The following FLNB variants were observed in gnomAD, a reference collection of about 807,000 sequenced individuals.
The protein encoded by FLNB is filamin-B.
FLNB carries 111 observed loss-of-function variants against 250.6 expected under a neutral mutation model. The ratio of observed to expected loss-of-function variants is 0.44; its 90% confidence interval spans 0.38 to 0.52. The LOEUF (loss-of-function observed/expected upper bound fraction) is 0.52, where lower values mean the gene tolerates loss of function less well. Among genes scored for constraint, FLNB ranks in the 20% least tolerant of loss-of-function variants. The probability of loss-of-function intolerance (pLI) is 0.00; values close to 1 mark genes in which losing one functional copy is unlikely to be tolerated. For synonymous variants in FLNB, 1,302 were observed against 1,372.1 expected (o/e 0.95, Z 1.13); for missense variants, 2,869 against 3,447.8 (o/e 0.83, Z 4.20).
intron 1 of FLNB, among the ~76,000 whole-genome samples, chr3:58,069,830 T>C (rs1250442085): frequency 6.6e-6 from 1 of 152,180 alleles, no homozygotes; most frequent in African/African-American, 2.4e-5. Flanking sequence ...AGTGACAAAT[T>C]GAACATTTCA....
Position 58,142,014 on chromosome 3 carries a change from C to T in FLNB, c.5181+85C>T. On this transcript the variant is annotated intron_variant, in intron 30 of 45. Transcript: ENST00000295956. The surrounding 1 kb of genome is among the most constrained non-coding windows in gnomAD (Gnocchi z 4.3). The stretch of plus-strand genomic sequence containing the variant: ...AATCTGCCATCTGCTTCTGGGATTG[C>T]TTAAGCCCTGTGGGTGTCCTGGTCA... The T allele has an allele frequency of 8.4e-7, 1 of 1,193,092 alleles. No homozygotes were observed. The highest frequency in any genetic ancestry group is 1.3e-6 in the Non-Finnish European group (1 of 798,328). The allele number at this position is 1,193,092 out of a possible 1,614,324, so 73.9% of individuals were successfully genotyped here.
At chr3:58,097,210 G>A (rs866931192) in intron 6 of FLNB, among the ~76,000 whole-genome samples, 4 of 152,136 alleles carry the variant, frequency 2.6e-5, no homozygotes, top group East Asian at 1.9e-4. Context: ...TGGCCTTAGC[G>A]TTCTCTTAGA....
intron 6 of FLNB, among the ~76,000 whole-genome samples, chr3:58,096,776 T>C (rs2097239471): frequency 6.6e-6 from 1 of 152,238 alleles, no homozygotes; most frequent in South Asian, 2.1e-4. Context: ...CCCAAAGTGC[T>C]GGGATTATAG....
chr3:58,033,011 T>C (rs938503628), intron 1 of FLNB, among the ~76,000 whole-genome samples: 1 of 152,132 alleles, frequency 6.6e-6, no homozygotes, highest in Non-Finnish European at 1.5e-5. Flanking sequence ...AAGTCAAGAC[T>C]GCAGTGAGCT....
At chr3:58,148,516 G>T in intron 35 of FLNB, 133 bp from the exon 36 acceptor site, 2 of 1,217,738 alleles carry the variant, frequency 1.6e-6, no homozygotes, top group South Asian at 1.3e-5. Context: ...AAGCGTATTT[G>T]TGCATTGTGA....
At position 58,109,341 on chromosome 3, in the gene FLNB, T is replaced by C. The variant is rs1385397991; in HGVS notation, c.2199+19T>C. The C allele has an allele frequency of 1.2e-6, 2 of 1,609,400 alleles. No homozygotes were observed. Among genetic ancestry groups the C allele is most frequent in the Admixed American group, 1.7e-5 (1 of 59,166 alleles). The stretch of plus-strand genomic sequence containing the variant: ...CTACAGGGTAGGTTGTGAGGCAGAA[T>C]CCTGGCTGTTTTATGGAAATGCCTG... On this transcript the variant is annotated intron_variant, in intron 14 of 45. Coordinates refer to ENST00000295956, the MANE Select transcript of FLNB (RefSeq NM_001457.4).
intron 1 of FLNB, among the ~76,000 whole-genome samples, chr3:58,057,791 C>T (rs1339584376): frequency 1.3e-5 from 2 of 151,928 alleles, no homozygotes; most frequent in Non-Finnish European, 2.9e-5. Flanking sequence ...ACATGTAAGT[C>T]GAGTGGATTT....
intron 1 of FLNB, among the ~76,000 whole-genome samples, chr3:58,051,041 A>G (rs2097161510): frequency 2.0e-5 from 3 of 152,130 alleles, no homozygotes; most frequent in Admixed American, 1.3e-4. Flanking sequence ...GCTTTTGAAT[A>G]TGCTTTGTCC....
intron 41 of FLNB, 113 bp from the exon 42 acceptor site, chr3:58,159,441 T>C (rs1395387956): frequency 6.4e-5 from 69 of 1,070,846 alleles, no homozygotes; most frequent in Non-Finnish European, 9.6e-5. Context: ...ATATGTTATA[T>C]AGAAAAACCT....
rs776730216 is a variant in FLNB at position 58,123,360 on chromosome 3, G to A, written c.3394G>A (p.Asp1132Asn). The change falls in exon 21 of 46, where the codon GAC becomes AAC. Residue 1132 changes from aspartate to asparagine, a missense_variant. Coordinates refer to ENST00000295956, the MANE Select transcript of FLNB (RefSeq NM_001457.4). ...CAAAGCTGACATTGAAATGCCCTTT[G>A]ACCCCTCTAAAGTCGTGGCATCGGG... is the stretch of plus-strand genomic sequence containing the variant. ...PFKADIEMPF[D>N]PSKVVASGPG... 6.2e-7 allele frequency: 1 copy of A among 1,614,128 alleles called. No homozygotes were observed. The highest frequency in any genetic ancestry group is 1.1e-5 in the South Asian group (1 of 91,080).
intron 1 of FLNB, among the ~76,000 whole-genome samples, chr3:58,023,184 T>C (rs2097116918): frequency 2.7e-5 from 4 of 146,312 alleles, no homozygotes; most frequent in Non-Finnish European, 4.5e-5. Context: ...CTGCAACTTC[T>C]GCCTCCTGGG....
rs758569970 is a variant in FLNB, at chr3:58,148,616, C to G, written c.5888-33C>G. On this transcript the variant is annotated intron_variant, in intron 35 of 45. Coordinates refer to ENST00000295956, the MANE Select transcript of FLNB (RefSeq NM_001457.4). ...TCTCTCCTGCTTCCTCTCCGCCATC[C>G]CCTTACAAGCCCCAATCTGTGTTCT... The G allele has an allele frequency of 2.5e-6, 4 of 1,572,680 alleles. No individual in the cohort carries two copies. In the South Asian group the frequency reaches 4.4e-5, roughly 17 times the overall value.
chr3:58,055,974 G>A (rs1421689470), intron 1 of FLNB, among the ~76,000 whole-genome samples: 1 of 152,074 alleles, frequency 6.6e-6, no homozygotes, highest in East Asian at 1.9e-4. Flanking sequence ...TCAATGACAG[G>A]AGAAAATCTG....
intron 29 of FLNB, among the ~76,000 whole-genome samples, chr3:58,140,247 T>C (rs2097324548): frequency 2.0e-5 from 3 of 152,228 alleles, no homozygotes; most frequent in African/African-American, 7.2e-5. Context: ...CAGGGTGGTT[T>C]CTTCAAATAC....
intron 1 of FLNB, among the ~76,000 whole-genome samples, chr3:58,048,968 G>A (rs1331759970): frequency 6.6e-6 from 1 of 152,174 alleles, no homozygotes; most frequent in African/African-American, 2.4e-5. Context: ...TAATGGTTTA[G>A]GAAATCCTAT....
At chr3:58,143,922 T>C (rs2097331473) in intron 32 of FLNB, among the ~76,000 whole-genome samples, 1 of 152,124 alleles carries the variant, frequency 6.6e-6, no homozygotes, top group African/African-American at 2.4e-5. Flanking sequence ...GGTGAGGGAC[T>C]TTCCAGCCTG....
At position 58,169,576 on chromosome 3, in the gene FLNB, C is replaced by T. The variant is rs764933138; in HGVS notation, c.7418-14C>T. 14 of 1,610,682 alleles carry T rather than the reference C, an allele frequency of 8.7e-6. No homozygotes were observed. The highest frequency in any genetic ancestry group is 6.7e-5 in the African/African-American group (5 of 74,856). On this transcript the variant is annotated splice_polypyrimidine_tract_variant and intron_variant, in intron 44 of 45. Transcript: ENST00000295956. The surrounding 1 kb of genome is among the most constrained non-coding windows in gnomAD (Gnocchi z 4.8). Reference sequence around the variant, plus strand: ...TGGCCATTCATGCCTGTCCCCCTCCCTCCTGTATCTTAGGCCAGCGTCTAG... The same window carrying T: ...TGGCCATTCATGCCTGTCCCCCTCCTTCCTGTATCTTAGGCCAGCGTCTAG...
chr3:58,118,264 T>TG (rs543013628), intron 18 of FLNB, among the ~76,000 whole-genome samples: 28 of 152,382 alleles, frequency 1.8e-4, no homozygotes, highest in African/African-American at 6.7e-4. Context: ...TATTGTGCGA[T>TG]GGTCTTAGCA....
rs530885823 is a variant in FLNB at position 58,114,793 on chromosome 3, A to AT, written c.2745+2479dup. The stretch of plus-strand genomic sequence containing the variant: ...GTGTCTTATTGTGGTTTTGATTTGC[A>AT]TTTTCCTAATGATTAGTGATGCTGA... On this transcript the variant is annotated intron_variant, in intron 18 of 45. Transcript: ENST00000295956. 1.3e-3 allele frequency among the ~76,000 whole-genome samples: 196 copies of AT among 147,048 alleles called. 1 individual carries two copies. The highest frequency in any genetic ancestry group is 4.6e-3 in the African/African-American group (184 of 39,642).
Sources: gnomAD v4.1 joint callset for allele counts (sites outside exome capture counted in the v4.1 genomes callset) on GRCh38, gnomAD v4.1.1 for gene constraint, Gnocchi (gnomAD v3.1) non-coding constraint, MANE v1.5 for transcripts, NCBI Gene and HGNC (gene_info 2026-07-23, HGNC 2026-07-21) for gene names.